Variants in NEURL1B observed in about 807,000 individuals in gnomAD.
NEURL1B encodes the protein E3 ubiquitin-protein ligase NEURL1B.
In NEURL1B, 13 loss-of-function variants were observed where a neutral mutation model predicts 37.4. The ratio of observed to expected loss-of-function variants is 0.35; its 90% CI spans 0.23 to 0.55. The LOEUF (loss-of-function observed/expected upper bound fraction) is 0.55, where lower values mean the gene tolerates loss of function less well. Ranked by LOEUF, NEURL1B falls within the 20% of genes least tolerant of loss-of-function variation. The probability of loss-of-function intolerance (pLI) is 0.89; values close to 1 mark genes in which losing one functional copy is unlikely to be tolerated. For synonymous variants in NEURL1B, 432 were observed against 426.6 expected, an observed-to-expected ratio of 1.01 and a Z score of -0.16; for missense variants, 790 against 879.2, an observed-to-expected ratio of 0.90 and a Z score of 1.28.
Position 172,687,135 on chromosome 5 carries a change from G to A in NEURL1B, c.*210G>A, listed in dbSNP as rs1250671777. The stretch of plus-strand genomic sequence containing the variant: ...CAAAGTGCTTTGCCCCCAAAAGGCC[G>A]TCCCAAGAGCAAGCTCAGGAACTGC... On this transcript the variant is annotated 3_prime_UTR_variant, in exon 5 of 5. Coordinates refer to ENST00000369800, the MANE Select transcript of NEURL1B (RefSeq NM_001142651.3). The A allele has an allele frequency of 3.3e-5, 19 of 579,906 alleles. No homozygotes were observed. Among genetic ancestry groups the A allele is most frequent in the South Asian group, 4.5e-5 (2 of 43,964 alleles). The allele number at this position is 579,906 out of a possible 1,614,324, so 35.9% of individuals were successfully genotyped here.
chr5:172,691,364 G>A lies in NEURL1B; in HGVS notation c.*4439G>A, dbSNP rs1453864300. On this transcript the variant is annotated 3_prime_UTR_variant, in exon 5 of 5. Coordinates refer to ENST00000369800, the MANE Select transcript of NEURL1B (RefSeq NM_001142651.3). The stretch of plus-strand genomic sequence containing the variant: ...ACCTCTCCGATACAGTCTAATCCTT[G>A]GGGATCTGTAATCAAGGTTTTAAAA... The A allele has an allele frequency of 6.6e-6, 1 of 152,124 alleles. No homozygotes were observed. The highest frequency in any genetic ancestry group is 2.4e-5 in the African/African-American group (1 of 41,412). The allele number at this position is 152,124 out of a possible 1,614,324, so 9.4% of individuals were successfully genotyped here.
rs1257842766 is a variant in NEURL1B at position 172,689,315 on chromosome 5, T to G, written c.*2390T>G. ...CAAGAGAAAGAGGAAAAGGAGCCAC[T>G]GTACTTTATTTTGCACCTACAGCGT... is the stretch of plus-strand genomic sequence containing the variant. On this transcript the variant is annotated 3_prime_UTR_variant, in exon 5 of 5. Transcript: ENST00000369800. The G allele has an allele frequency of 1.3e-5, 2 of 152,262 alleles. No individual in the cohort carries two copies. Among genetic ancestry groups the G allele is most frequent in the African/African-American group, 4.8e-5 (2 of 41,452 alleles). The allele number at this position is 152,262 out of a possible 1,614,324, so 9.4% of individuals were successfully genotyped here.
intron 1 of NEURL1B, among the ~76,000 whole-genome samples, chr5:172,646,692 G>T (rs1030747975): frequency 2.6e-5 from 4 of 152,192 alleles, no homozygotes; most frequent in African/African-American, 9.7e-5. Flanking sequence ...GTACGCGGTC[G>T]GCAGGGAAGC....
intron 2 of NEURL1B, among the ~76,000 whole-genome samples, chr5:172,680,901 T>A (rs1012280940): frequency 2.6e-5 from 4 of 152,244 alleles, no homozygotes; most frequent in African/African-American, 9.6e-5. Flanking sequence ...GTTCTTGAAC[T>A]GCTATAAAGA....
intron 1 of NEURL1B, among the ~76,000 whole-genome samples, chr5:172,642,432 G>A (rs2113246335): frequency 6.6e-6 from 1 of 152,298 alleles, no homozygotes; most frequent in East Asian, 1.9e-4. Flanking sequence ...TTGGGCAAAA[G>A]GTGAGAGGAG....
chr5:172,683,802 G>A lies in NEURL1B; in HGVS notation c.961G>A (p.Glu321Lys). ...CTCCGAGCGCCCGCTGCGGCCCGGC[G>A]AGAGCCTCTTCGTGGAGGTGGGCCG... Reference protein sequence around the residue: ...VFSERPLRPGESLFVEVGRPG... With the variant: ...VFSERPLRPGKSLFVEVGRPG... Residue 321 changes from glutamate (E) to lysine (K), a missense_variant, in exon 3 of 5, where the codon GAG becomes AAG. Transcript: ENST00000369800. This position sits in a 1 kb window ranked among gnomAD's most constrained non-coding sequence, Gnocchi z 5.6. The A allele has an allele frequency of 1.5e-6, 2 of 1,313,022 alleles. No individual in the cohort carries two copies. Among genetic ancestry groups the A allele is most frequent in the Non-Finnish European group, 1.9e-6 (2 of 1,028,566 alleles). 81.3% of individuals were successfully genotyped at this position (1,313,022 alleles called of 1,614,324 possible).
At chr5:172,656,548 C>G in intron 1 of NEURL1B, 1 of 1,610,676 alleles carries the variant, frequency 6.2e-7, no homozygotes, top group South Asian at 1.1e-5. Flanking sequence ...TTAATTCCAC[C>G]TATGGCCAAG....
At chr5:172,651,024 G>A (rs915624438) in intron 1 of NEURL1B, among the ~76,000 whole-genome samples, 14 of 152,108 alleles carry the variant, frequency 9.2e-5, no homozygotes, top group East Asian at 3.9e-4. Context: ...GCCTATGATC[G>A]GAATGAGTCA....
Position 172,669,860 on chromosome 5 carries a change from G to A in NEURL1B, c.107G>A (p.Gly36Asp). ...GGCCCCGAGCGACGCCCGGTCCTGG[G>A]CGAGGCGCCGCGCTTCCACGCGCAG... ...GPGPERRPVL[G>D]EAPRFHAQAK... is the part of the protein sequence containing the mutation. Residue 36 changes from glycine (G) to aspartate (D), a missense_variant, in exon 2 of 5, where the codon GGC (glycine) becomes GAC (aspartate). Coordinates refer to ENST00000369800, the MANE Select transcript of NEURL1B (RefSeq NM_001142651.3). 7.2e-7 allele frequency: 1 copy of A among 1,392,470 alleles called. No individual in the cohort carries two copies. The highest frequency in any genetic ancestry group is 9.3e-7 in the Non-Finnish European group (1 of 1,072,492). The allele number at this position is 1,392,470 out of a possible 1,614,324, so 86.3% of individuals were successfully genotyped here.
rs1757995581 is a variant in NEURL1B, at chr5:172,665,663, CT to C, written c.32-4121del. Among the ~76,000 whole-genome samples, 1 of 152,174 alleles carries C rather than the reference CT, an allele frequency of 6.6e-6. No individual in the cohort carries two copies. Among genetic ancestry groups the C allele is most frequent in the South Asian group, 2.1e-4 (1 of 4,836 alleles). ...GTGACTGCCCAACCTGGCACACCCC[CT>C]GCCACACCTACCGTATCACTTTACC... On this transcript the variant is annotated intron_variant, in intron 1 of 4. Coordinates refer to ENST00000369800, the MANE Select transcript of NEURL1B (RefSeq NM_001142651.3). The surrounding 1 kb of genome is among the most constrained non-coding windows in gnomAD (Gnocchi z 4.1).
chr5:172,673,289 T>C (rs931078401), intron 2 of NEURL1B, among the ~76,000 whole-genome samples: 1 of 152,108 alleles, frequency 6.6e-6, no homozygotes, highest in South Asian at 2.1e-4. Context: ...GAATTTGGCT[T>C]CCTGAACGTG....
intron 1 of NEURL1B, 43 bp from the exon 2 acceptor site, chr5:172,669,742 A>T: frequency 8.2e-7 from 1 of 1,217,524 alleles, no homozygotes; most frequent in South Asian, 3.4e-5. Flanking sequence ...GGCCCGCAGG[A>T]GTTCGGAGGA....
At position 172,686,371 on chromosome 5, in the gene NEURL1B, C is replaced by A. The variant is rs1292644517; in HGVS notation, c.1423+75C>A. On this transcript the variant is annotated intron_variant, in intron 4 of 4. Transcript: ENST00000369800. The surrounding 1 kb of genome is among the most constrained non-coding windows in gnomAD (Gnocchi z 7.9). ...CTCCTCCGGCTGTGCCAGTGGCCTTCCAGGGACTGAGCAGGGTGGCCGCCT... is the reference window on the plus strand; with the variant it reads ...CTCCTCCGGCTGTGCCAGTGGCCTTACAGGGACTGAGCAGGGTGGCCGCCT... The A allele has an allele frequency of 5.4e-6, 8 of 1,478,750 alleles. No individual in the cohort carries two copies. The highest frequency in any genetic ancestry group is 1.4e-5 in the African/African-American group (1 of 71,774). 91.6% of individuals were successfully genotyped at this position (1,478,750 alleles called of 1,614,324 possible). A position where few individuals can be genotyped will look rare whatever the true frequency, so the allele number is the denominator to read the frequency against.
At position 172,683,320 on chromosome 5, in the gene NEURL1B, G is replaced by A. The variant is rs1399179865; in HGVS notation, c.578-99G>A. ...GTGGGGGCTGCTCGAGGCCCGGGTC[G>A]GTCGTGGAGGCCTGCAGGAGGCAGC... On this transcript the variant is annotated intron_variant, in intron 2 of 4. Coordinates refer to ENST00000369800, the MANE Select transcript of NEURL1B (RefSeq NM_001142651.3). This position sits in a 1 kb window ranked among gnomAD's most constrained non-coding sequence, Gnocchi z 5.6. 2 of 1,229,292 alleles carry A rather than the reference G, an allele frequency of 1.6e-6. No individual in the cohort carries two copies. The highest frequency in any genetic ancestry group is 3.1e-4 in the Middle Eastern group (1 of 3,178). 76.1% of individuals were successfully genotyped at this position (1,229,292 alleles called of 1,614,324 possible).
chr5:172,686,261 T>C lies in NEURL1B; in HGVS notation c.1388T>C (p.Val463Ala), dbSNP rs1295654299. ...DDSDSDMTFS[V>A]NQSSSASESS... Reference sequence around the variant, plus strand: ...AGTGATTCAGATATGACCTTCAGTGTCAACCAGTCCTCCTCGGCATCTGAG... The same window carrying C: ...AGTGATTCAGATATGACCTTCAGTGCCAACCAGTCCTCCTCGGCATCTGAG... Residue 463 changes from valine to alanine, a missense_variant, in exon 4 of 5, where the codon GTC becomes GCC. This residue lies in a region of NEURL1B where 115 missense variants were observed against 162.6 expected (regional missense o/e 0.71). Transcript: ENST00000369800. The surrounding 1 kb of genome is among the most constrained non-coding windows in gnomAD (Gnocchi z 7.9). The C allele has an allele frequency of 6.4e-7, 1 of 1,551,704 alleles. No homozygotes were observed. The highest frequency in any genetic ancestry group is 2.0e-5 in the Admixed American group (1 of 51,010).
intron 1 of NEURL1B, among the ~76,000 whole-genome samples, chr5:172,644,421 T>A (rs1294197633): frequency 6.6e-6 from 1 of 152,200 alleles, no homozygotes; most frequent in African/African-American, 2.4e-5. Context: ...GTGATTTAGA[T>A]AACATTTATT....
In NEURL1B at chr5:172,670,044, G is replaced by A; in HGVS notation, c.291G>A (p.Leu97=). 3.3e-6 allele frequency: 5 copies of A among 1,511,494 alleles called. No individual in the cohort carries two copies. The highest frequency in any genetic ancestry group is 4.4e-6 in the Non-Finnish European group (5 of 1,135,822). 93.6% of individuals were successfully genotyped at this position (1,511,494 alleles called of 1,614,324 possible). The change falls in exon 2 of 5, where the codon CTG becomes CTA. Residue 97 remains leucine, a synonymous_variant. Transcript: ENST00000369800. ...TGCGCCCTGGCTGGAGCGGCGCGCT[G>A]CGCTTCGGCTTCACCGCGCACGATC... The part of the protein sequence containing the change: ...VAVRPGWSGA[L]RFGFTAHDPS...
chr5:172,656,270 A>G (rs1461088161), intron 1 of NEURL1B, among the ~76,000 whole-genome samples: 1 of 152,230 alleles, frequency 6.6e-6, no homozygotes, highest in Non-Finnish European at 1.5e-5. Context: ...GGAACGAATT[A>G]GAGTGGAGCG....
chr5:172,641,477 T>C lies in NEURL1B; in HGVS notation c.31+40T>C. 2 of 1,265,270 alleles carry C rather than the reference T, an allele frequency of 1.6e-6. No homozygotes were observed. The highest frequency in any genetic ancestry group is 2.0e-6 in the Non-Finnish European group (2 of 1,006,610). 78.4% of individuals were successfully genotyped at this position (1,265,270 alleles called of 1,614,324 possible). A position where few individuals can be genotyped will look rare whatever the true frequency, so the allele number is the denominator to read the frequency against. On this transcript the variant is annotated intron_variant, in intron 1 of 4. Coordinates refer to ENST00000369800, the MANE Select transcript of NEURL1B (RefSeq NM_001142651.3). This position sits in a 1 kb window ranked among gnomAD's most constrained non-coding sequence, Gnocchi z 6.4. ...CCTGCCCGGGAGGCGGGCGCCGGGC[T>C]TCTCTCCTCCGGGGGACCCGCTGGG... is the stretch of plus-strand genomic sequence containing the variant.
Sources: gnomAD v4.1 joint callset for allele counts (sites outside exome capture counted in the v4.1 genomes callset) on GRCh38, gnomAD v4.1.1 for gene constraint, gnomAD v4.1.1 regional missense constraint, Gnocchi (gnomAD v3.1) non-coding constraint, MANE v1.5 for transcripts, NCBI Gene and HGNC (gene_info 2026-07-23, HGNC 2026-07-21) for gene names.